Variants in SH3RF2 observed in about 807,000 individuals in gnomAD.
The protein encoded by SH3RF2 is SH3 domain containing ring finger 2, also known as E3 ubiquitin-protein ligase SH3RF2.
Under a neutral mutation model 59.0 loss-of-function variants are expected in SH3RF2, and 43 were observed. The observed-to-expected ratio is 0.73, with a 90% confidence interval of 0.57 to 0.94. The LOEUF (loss-of-function observed/expected upper bound fraction) is 0.94, where lower values mean the gene tolerates loss of function less well. Among genes scored for constraint, SH3RF2 ranks in the 40% least tolerant of loss-of-function variants. The probability of loss-of-function intolerance (pLI) is 0.00; values close to 1 mark genes in which losing one functional copy is unlikely to be tolerated. For synonymous variants in SH3RF2, 391 were observed against 391.5 expected, an observed-to-expected ratio of 1.00 and a Z score of 0.01; for missense variants, 930 against 940.1, an observed-to-expected ratio of 0.99 and a Z score of 0.14.
chr5:146,049,205 G>T lies in SH3RF2; in HGVS notation c.1282G>T (p.Val428Phe). The T allele has an allele frequency of 6.2e-7, 1 of 1,613,812 alleles. No individual in the cohort carries two copies. Among genetic ancestry groups the T allele is most frequent in the Non-Finnish European group, 8.5e-7 (1 of 1,179,866 alleles). Residue 428 changes from valine to phenylalanine, a missense_variant, in exon 7 of 10, where the codon GTC becomes TTC. By Grantham distance (50) the Val-to-Phe change is conservative. Coordinates refer to ENST00000359120, the MANE Select transcript of SH3RF2 (RefSeq NM_152550.4). ...LRGVSLVTGR[V>F]GIFPNNYVIP... Reference sequence around the variant, plus strand: ...GGGCGTCTCCTTGGTCACCGGGCGAGTCGGCATCTTCCCAAACAATTACGT... The same window carrying T: ...GGGCGTCTCCTTGGTCACCGGGCGATTCGGCATCTTCCCAAACAATTACGT...
At chr5:146,053,149 C>A (rs547507572) in intron 7 of SH3RF2, among the ~76,000 whole-genome samples, 16 of 152,236 alleles carry the variant, frequency 1.1e-4, no homozygotes, top group African/African-American at 3.9e-4. Flanking sequence ...AATTTAAGAG[C>A]CAGCAAGTGA....
chr5:146,033,874 C>G (rs990059519), intron 5 of SH3RF2, among the ~76,000 whole-genome samples: 1 of 152,132 alleles, frequency 6.6e-6, no homozygotes, highest in Non-Finnish European at 1.5e-5. Context: ...TAACACTCCT[C>G]CCCCACAAAT....
At chr5:146,026,336 A>C (rs1049263051) in intron 5 of SH3RF2, among the ~76,000 whole-genome samples, 1 of 152,226 alleles carries the variant, frequency 6.6e-6, no homozygotes, top group Admixed American at 6.5e-5. Context: ...TGATAGATAC[A>C]TCACGAGCGA....
intron 5 of SH3RF2, among the ~76,000 whole-genome samples, chr5:146,019,593 G>T (rs1245988192): frequency 2.0e-5 from 3 of 152,004 alleles, no homozygotes; most frequent in Non-Finnish European, 4.4e-5. Flanking sequence ...GACTATTTGG[G>T]CTCTTTTTTG....
Position 146,073,949 on chromosome 5 carries a change from G to A in SH3RF2, c.*34-4511G>A, listed in dbSNP as rs371482806. On this transcript the variant is annotated intron_variant, in intron 9 of 9. Coordinates refer to the SH3RF2 transcript ENST00000511217. ...AGACCCGAAGACTAAGAGGGAACCA[G>A]ACACGCAGCATAGTGGGAATAGCAG... Among the ~76,000 whole-genome samples, 26 of 151,816 alleles carry A rather than the reference G, an allele frequency of 1.7e-4. No homozygotes were observed. In the East Asian group the frequency reaches 2.3e-3, roughly 14 times the overall value.
At chr5:145,940,607 C>T (rs1251620389) in intron 2 of SH3RF2, among the ~76,000 whole-genome samples, 1 of 152,156 alleles carries the variant, frequency 6.6e-6, no homozygotes. Flanking sequence ...TACTTGCTAC[C>T]CACCTTCCTC....
At position 146,031,250 on chromosome 5, in the gene SH3RF2, C is replaced by T. The variant is rs190196725; in HGVS notation, c.1060-16522C>T. ...TTACCTAAGCGTACCTTAATGCCCT[C>T]AACTCCTTAAAGACAGGGTAACTGA... On this transcript the variant is annotated intron_variant, in intron 5 of 9. Transcript: ENST00000359120. 8.5e-5 allele frequency among the ~76,000 whole-genome samples: 13 copies of T among 152,308 alleles called. No homozygotes were observed. In the East Asian group the frequency reaches 2.5e-3, roughly 29 times the overall value.
At chr5:146,002,094 A>G (rs1454556329) in intron 3 of SH3RF2, among the ~76,000 whole-genome samples, 1 of 152,236 alleles carries the variant, frequency 6.6e-6, no homozygotes, top group East Asian at 1.9e-4. Flanking sequence ...ACAAAGATTA[A>G]CAAAACAGAC....
chr5:146,054,215 G>C (rs560955810), intron 7 of SH3RF2, among the ~76,000 whole-genome samples: 3 of 152,328 alleles, frequency 2.0e-5, no homozygotes, highest in African/African-American at 7.2e-5. Context: ...TGTTGGATGG[G>C]AGACTTGGGA....
intron 2 of SH3RF2, among the ~76,000 whole-genome samples, chr5:145,994,912 A>G (rs1320858794): frequency 6.6e-6 from 1 of 152,164 alleles, no homozygotes; most frequent in Non-Finnish European, 1.5e-5. Context: ...TATTGATATT[A>G]TCATTATGCA....
intron 9 of SH3RF2, among the ~76,000 whole-genome samples, chr5:146,074,922 C>G (rs1224935828): frequency 3.9e-5 from 6 of 152,140 alleles, no homozygotes; most frequent in Non-Finnish European, 8.8e-5. Flanking sequence ...AGGTAAGTCA[C>G]TTCACCTATC....
chr5:146,064,788 G>GAAGGAAAGGAAGGAAGGA (rs1561773720), downstream of SH3RF2, among the ~76,000 whole-genome samples: 1 of 18,530 alleles, frequency 5.4e-5, no homozygotes, highest in Non-Finnish European at 1.2e-4. Flanking sequence ...AGGAAGGAAG[G>GAAGGAAAGGAAGGAAGGA]AAGGAAGGAA....
intron 2 of SH3RF2, among the ~76,000 whole-genome samples, chr5:145,999,335 G>T (rs939505782): frequency 2.0e-5 from 3 of 152,118 alleles, no homozygotes; most frequent in Non-Finnish European, 4.4e-5. Flanking sequence ...CTCCATATCG[G>T]CAATAAGGCT....
chr5:145,937,964 C>T lies in SH3RF2; in HGVS notation c.36C>T (p.Cys12=), dbSNP rs1416274874. The part of the protein sequence containing the change: ...DDLTLLDLLE[C]PVCFEKLDVT... ...TGACGTTACTTGATCTTCTGGAGTGCCCTGTGTGCTTTGAGAAGCTCGATG... is the reference window on the plus strand; with the variant it reads ...TGACGTTACTTGATCTTCTGGAGTGTCCTGTGTGCTTTGAGAAGCTCGATG... Residue 12 remains cysteine (C), a synonymous_variant, in exon 2 of 10, where the codon TGC becomes TGT. Transcript: ENST00000359120. 5 of 1,614,100 alleles carry T rather than the reference C, an allele frequency of 3.1e-6. No individual in the cohort carries two copies. Among genetic ancestry groups the T allele is most frequent in the South Asian group, 2.2e-5 (2 of 91,068 alleles).
Position 146,060,164 on chromosome 5 carries a change from C to A in SH3RF2, c.1854C>A (p.Pro618=), listed in dbSNP as rs775147216. 6.2e-7 allele frequency: 1 copy of A among 1,614,006 alleles called. No individual in the cohort carries two copies. Among genetic ancestry groups the A allele is most frequent in the South Asian group, 1.1e-5 (1 of 91,038 alleles). ...PIKSEPLPKP[P]ASAPPSILVK... ...AGAGTGAGCCTCTGCCAAAACCGCC[C>A]GCATCTGCCCCACCATCCATCCTGG... The change falls in exon 9 of 10, where the codon CCC becomes CCA. Residue 618 remains proline (P), a synonymous_variant. Coordinates refer to ENST00000359120, the MANE Select transcript of SH3RF2 (RefSeq NM_152550.4).
intron 2 of SH3RF2, among the ~76,000 whole-genome samples, chr5:145,959,437 GA>G (rs1404663965): frequency 6.6e-6 from 1 of 151,952 alleles, no homozygotes; most frequent in East Asian, 1.9e-4. Context: ...TTTAGAGTAA[GA>G]GCCAGACTAA....
downstream of SH3RF2, among the ~76,000 whole-genome samples, chr5:146,064,798 AGG>A (rs1303699940): frequency 2.7e-3 from 100 of 37,224 alleles, 7 homozygotes; most frequent in African/African-American, 5.1e-3. Context: ...GAAGGAAGGA[AGG>A]AAGGAAGGAA....
At chr5:146,066,011 A>G (rs779982719), downstream of SH3RF2, among the ~76,000 whole-genome samples, 2 of 152,224 alleles carry the variant, frequency 1.3e-5, no homozygotes, top group African/African-American at 2.4e-5. Flanking sequence ...GATGATAAAC[A>G]CATCCCCTCA....
At chr5:146,068,263 A>C (rs987637954), downstream of SH3RF2, among the ~76,000 whole-genome samples, 3 of 152,082 alleles carry the variant, frequency 2.0e-5, no homozygotes, top group African/African-American at 7.2e-5. Context: ...CTTCTCACCC[A>C]CGTCTGACCA....
Sources: gnomAD v4.1 joint callset for allele counts (sites outside exome capture counted in the v4.1 genomes callset) on GRCh38, gnomAD v4.1.1 for gene constraint, MANE v1.5 for transcripts, NCBI Gene and HGNC (gene_info 2026-07-23, HGNC 2026-07-21) for gene names.